Variants in DCHS2 observed in about 807,000 individuals in gnomAD.
DCHS2 encodes protocadherin-23.
DCHS2 carries 142 observed loss-of-function variants against 182.4 expected under a neutral mutation model. That is an observed-to-expected ratio of 0.78 (90% CI 0.68 to 0.89). The LOEUF is 0.89. Ranked by LOEUF, DCHS2 falls within the 40% of genes least tolerant of loss-of-function variation. DCHS2 has a pLI of 0.00. For synonymous variants in DCHS2, 1,740 were observed against 1,663.3 expected (o/e 1.05, Z -1.12); for missense variants, 4,319 against 4,198.6 (o/e 1.03, Z -0.79).
rs1451744618 is a variant in DCHS2 at position 154,236,619 on chromosome 4, G to T, written c.8033C>A (p.Thr2678Asn). 3 of 1,613,900 alleles carry T rather than the reference G, an allele frequency of 1.9e-6. No individual in the cohort carries two copies. The highest frequency in any genetic ancestry group is 2.5e-6 in the Non-Finnish European group (3 of 1,179,942). ...CACAGTGATGTGACTCCCTAGAGGG[G>T]TGCTTTCCTTGACATGGGTGTGATA... ...LSYHTHVKES[T>N]PLGSHITVVS... Residue 2678 changes from threonine to asparagine, a missense_variant, in exon 20 of 20, where the codon ACC becomes AAC. Thr to Asn is a moderately conservative substitution (Grantham distance 65). Coordinates refer to ENST00000357232, the MANE Select transcript of DCHS2 (RefSeq NM_001358235.2).
At chr4:154,277,011 C>G (rs6823783) in intron 13 of DCHS2, among the ~76,000 whole-genome samples, 1 of 152,128 alleles carries the variant, frequency 6.6e-6, no homozygotes, top group Admixed American at 6.5e-5. Context: ...TATAACTCTT[C>G]TTTGCAGTTC....
intron 19 of DCHS2, among the ~76,000 whole-genome samples, chr4:154,237,786 G>C (rs1731603828): frequency 6.6e-6 from 1 of 152,036 alleles, no homozygotes; most frequent in African/African-American, 2.4e-5. Context: ...CTTAAGGATG[G>C]TCACTAAGAA....
rs70947164 is a variant in DCHS2 at position 154,419,650 on chromosome 4, CAA to C, written c.2053-42208_2053-42207del. On this transcript the variant is annotated intron_variant, in intron 1 of 19. Coordinates refer to ENST00000357232, the MANE Select transcript of DCHS2 (RefSeq NM_001358235.2). ...GGGCAAAAGAAACGAAACTCCATCTCAAAAAAAAAAAAAAAAAAAAAAAAGCT... is the reference window on the plus strand; with the variant it reads ...GGGCAAAAGAAACGAAACTCCATCTCAAAAAAAAAAAAAAAAAAAAAAGCT... Among the ~76,000 whole-genome samples the C allele has an allele frequency of 7.2e-3, 323 of 44,908 alleles. 2 individuals carry two copies. The highest frequency in any genetic ancestry group is 0.024 in the African/African-American group (242 of 10,250). 29.5% of individuals were successfully genotyped at this position (44,908 alleles called of 152,430 possible).
intron 3 of DCHS2, among the ~76,000 whole-genome samples, chr4:154,355,997 A>T (rs181380850): frequency 1.1e-3 from 168 of 152,224 alleles, no homozygotes; most frequent in African/African-American, 3.9e-3. Context: ...TACTGATTGA[A>T]AAAAGAAGTT....
intron 1 of DCHS2, among the ~76,000 whole-genome samples, chr4:154,468,457 T>G (rs970731931): frequency 6.6e-6 from 1 of 152,186 alleles, no homozygotes; most frequent in Admixed American, 6.5e-5. Context: ...TTCTCTATGT[T>G]AGCTTCTAAT....
intron 17 of DCHS2, among the ~76,000 whole-genome samples, chr4:154,242,170 A>G (rs546525792): frequency 1.3e-5 from 2 of 152,286 alleles, no homozygotes; most frequent in Admixed American, 6.5e-5. Flanking sequence ...AACCTCTACC[A>G]TTAGTGTGGT....
chr4:154,327,859 T>A (rs116250352), intron 7 of DCHS2, among the ~76,000 whole-genome samples: 1 of 152,198 alleles, frequency 6.6e-6, no homozygotes, highest in Admixed American at 6.5e-5. Flanking sequence ...TGGTTTCTAT[T>A]AAGAACGTAA....
intron 15 of DCHS2, among the ~76,000 whole-genome samples, chr4:154,258,429 G>C (rs1003197204): frequency 2.8e-5 from 4 of 140,568 alleles, no homozygotes; most frequent in Admixed American, 7.8e-5. Flanking sequence ...CCAGGCTGGA[G>C]TGCAATGGCA....
chr4:154,329,522 C>A lies in DCHS2; in HGVS notation c.3918+1G>T, dbSNP rs999982648. ...ATTCATTGCAAGGTTTCTTCACAAA[C>A]CTTCACGTGTAACTCCTTTCCAGGG... On this transcript the variant is annotated splice_donor_variant, in intron 6 of 19. Coordinates refer to ENST00000357232, the MANE Select transcript of DCHS2 (RefSeq NM_001358235.2). LOFTEE classifies it high-confidence loss of function. The A allele has an allele frequency of 9.2e-5, 149 of 1,612,040 alleles. No individual in the cohort carries two copies. The highest frequency in any genetic ancestry group is 1.2e-4 in the Non-Finnish European group (147 of 1,178,732).
intron 7 of DCHS2, among the ~76,000 whole-genome samples, chr4:154,323,894 T>A (rs182078295): frequency 9.3e-5 from 14 of 151,176 alleles, no homozygotes; most frequent in Admixed American, 7.9e-4. Flanking sequence ...ATCCAAAAGC[T>A]GAAACACTTC....
rs781077547 is a variant in DCHS2 at position 154,332,866 on chromosome 4, C to A, written c.3342G>T (p.Gln1114His). ...LQTQAHPLGP[Q>H]RAASPLRYSL... is the part of the protein sequence containing the mutation. Reference sequence around the variant, plus strand: ...AGTACCTAAGAGGCGAGGCTGCACGCTGGGGGCCAAGTGGGTGCGCCTGTG... The same window carrying A: ...AGTACCTAAGAGGCGAGGCTGCACGATGGGGGCCAAGTGGGTGCGCCTGTG... Residue 1114 changes from glutamine to histidine, a missense_variant, in exon 5 of 20, where the codon CAG becomes CAT. Gln to His is a conservative substitution (Grantham distance 24). Coordinates refer to ENST00000357232, the MANE Select transcript of DCHS2 (RefSeq NM_001358235.2). 1 of 1,614,228 alleles carries A rather than the reference C, an allele frequency of 6.2e-7. No homozygotes were observed. Among genetic ancestry groups the A allele is most frequent in the Non-Finnish European group, 8.5e-7 (1 of 1,180,038 alleles).
chr4:154,417,621 A>C (rs1299010440), intron 1 of DCHS2, among the ~76,000 whole-genome samples: 1 of 152,212 alleles, frequency 6.6e-6, no homozygotes, highest in Non-Finnish European at 1.5e-5. Context: ...CAAAACAAAA[A>C]ACTATTCATT....
chr4:154,288,965 C>CA (rs139358507), intron 13 of DCHS2, among the ~76,000 whole-genome samples: 1,710 of 151,858 alleles, frequency 0.011, 33 homozygotes, highest in African/African-American at 0.038. Context: ...GTGCCTACAT[C>CA]AAAAAAGTAG....
At chr4:154,485,928 T>G (rs566897048) in intron 1 of DCHS2, among the ~76,000 whole-genome samples, 2 of 152,272 alleles carry the variant, frequency 1.3e-5, no homozygotes, top group African/African-American at 4.8e-5. Flanking sequence ...TTTTGACAGT[T>G]ATCTGAGCGA....
At chr4:154,331,378 GA>G (rs1373791209) in intron 5 of DCHS2, among the ~76,000 whole-genome samples, 1 of 151,968 alleles carries the variant, frequency 6.6e-6, no homozygotes, top group Non-Finnish European at 1.5e-5. Flanking sequence ...TTATTTTAAA[GA>G]AAAAAACAAG....
intron 3 of DCHS2, among the ~76,000 whole-genome samples, chr4:154,361,280 A>G (rs1730108655): frequency 6.6e-6 from 1 of 152,138 alleles, no homozygotes; most frequent in Non-Finnish European, 1.5e-5. Flanking sequence ...GGCATTATGC[A>G]TTATACCCAG....
chr4:154,295,833 A>G (rs79292784), intron 13 of DCHS2, among the ~76,000 whole-genome samples: 1,907 of 152,270 alleles, frequency 0.013, 46 homozygotes, highest in African/African-American at 0.043. Flanking sequence ...TTCACACTCT[A>G]ACACACATGT....
chr4:154,294,311 A>C lies in DCHS2; in HGVS notation c.6463+3540T>G, dbSNP rs529149594. On this transcript the variant is annotated intron_variant, in intron 13 of 19. Coordinates refer to ENST00000357232, the MANE Select transcript of DCHS2 (RefSeq NM_001358235.2). ...ACATATAATAGGAAGTATGTTGGGG[A>C]AGGAGAAAAACTGTGAGGGGTATCC... Among the ~76,000 whole-genome samples, 40 of 152,302 alleles carry C rather than the reference A, an allele frequency of 2.6e-4. 1 individual carries two copies. Among genetic ancestry groups the C allele is most frequent in the African/African-American group, 8.7e-4 (36 of 41,570 alleles).
At chr4:154,339,194 C>G (rs550905790) in intron 3 of DCHS2, among the ~76,000 whole-genome samples, 17 of 152,294 alleles carry the variant, frequency 1.1e-4, no homozygotes, top group African/African-American at 4.1e-4. Context: ...GCACTGAGGG[C>G]AAGAGACTGA....
Sources: allele counts gnomAD v4.1 joint callset (sites outside exome capture counted in the v4.1 genomes callset), GRCh38; gene constraint gnomAD v4.1.1; transcripts MANE v1.5; gene names NCBI Gene and HGNC (gene_info 2026-07-23, HGNC 2026-07-21).